The following LRMDA variants were observed in gnomAD, a reference collection of about 807,000 sequenced individuals.
LRMDA encodes the protein leucine-rich melanocyte differentiation-associated protein.
Under a neutral mutation model 29.8 loss-of-function variants are expected in LRMDA, and 18 were observed. The observed-to-expected ratio is 0.60, with a 90% confidence interval of 0.42 to 0.90. The LOEUF (loss-of-function observed/expected upper bound fraction) is 0.90. Ranked by LOEUF, LRMDA falls within the 40% of genes least tolerant of loss-of-function variation. The pLI is 0.00. For missense variants in LRMDA, 273 were observed against 273.9 expected (o/e 1.00, Z 0.02); for synonymous variants, 125 against 109.4 (o/e 1.14, Z -0.89).
chr10:76,205,485 A>G (rs887389395), intron 5 of LRMDA, among the ~76,000 whole-genome samples: 11 of 152,338 alleles, frequency 7.2e-5, no homozygotes, highest in African/African-American at 2.4e-4. Context: ...AGAGTTGCTC[A>G]GTGAGAATGT....
At chr10:75,756,826 C>T (rs555145038) in intron 2 of LRMDA, among the ~76,000 whole-genome samples, 1 of 152,196 alleles carries the variant, frequency 6.6e-6, no homozygotes, top group Non-Finnish European at 1.5e-5. Context: ...AACTTTGGTT[C>T]AAATGATTCT....
At chr10:76,211,684 G>C (rs1050647315) in intron 5 of LRMDA, among the ~76,000 whole-genome samples, 1 of 152,250 alleles carries the variant, frequency 6.6e-6, no homozygotes, top group Non-Finnish European at 1.5e-5. Flanking sequence ...GTTGTTGGGA[G>C]TGTCTTTTTA....
intron 6 of LRMDA, among the ~76,000 whole-genome samples, chr10:76,533,060 A>G (rs561687921): frequency 7.2e-5 from 11 of 152,332 alleles, no homozygotes; most frequent in African/African-American, 2.6e-4. Context: ...TTCAAAGAAG[A>G]TGCAGCCTTT....
intron 5 of LRMDA, among the ~76,000 whole-genome samples, chr10:76,100,480 T>C (rs1488114921): frequency 6.6e-6 from 1 of 152,194 alleles, no homozygotes; most frequent in Admixed American, 6.5e-5. Flanking sequence ...TCTCCCAGTG[T>C]GCAGGCAGGT....
At chr10:76,442,819 C>T (rs777507445) in intron 6 of LRMDA, among the ~76,000 whole-genome samples, 4 of 152,160 alleles carry the variant, frequency 2.6e-5, no homozygotes, top group East Asian at 1.9e-4. Context: ...ACAAGTCTTA[C>T]GTAATGAATA....
At chr10:76,101,034 G>T (rs1449742608) in intron 5 of LRMDA, among the ~76,000 whole-genome samples, 1 of 151,932 alleles carries the variant, frequency 6.6e-6, no homozygotes, top group African/African-American at 2.4e-5. Context: ...CCTCCCACTG[G>T]TTCAGTTCCC....
At chr10:76,106,200 T>A in intron 5 of LRMDA, among the ~76,000 whole-genome samples, 1 of 152,256 alleles carries the variant, frequency 6.6e-6, no homozygotes, top group East Asian at 1.9e-4. Context: ...ATTCTTCTGC[T>A]TTTAATAGCT....
intron 6 of LRMDA, among the ~76,000 whole-genome samples, chr10:76,437,886 T>G (rs1015284358): frequency 4.6e-5 from 7 of 152,174 alleles, no homozygotes; most frequent in Admixed American, 3.3e-4. Flanking sequence ...CCTGTTTATT[T>G]TATTTGGTCC....
At chr10:75,909,189 T>C (rs541014752) in intron 2 of LRMDA, among the ~76,000 whole-genome samples, 1 of 152,302 alleles carries the variant, frequency 6.6e-6, no homozygotes, top group South Asian at 2.1e-4. Context: ...CCTAGTATAG[T>C]AAGTGCTGTA....
chr10:76,153,303 C>T (rs937481793), intron 5 of LRMDA, among the ~76,000 whole-genome samples: 7 of 152,114 alleles, frequency 4.6e-5, no homozygotes, highest in African/African-American at 1.7e-4. Context: ...TTCTGATAAA[C>T]AAAATTTTTA....
At chr10:76,083,840 A>AT (rs1849088706) in intron 5 of LRMDA, among the ~76,000 whole-genome samples, 1 of 151,866 alleles carries the variant, frequency 6.6e-6, no homozygotes, top group East Asian at 1.9e-4. Context: ...TCTCAAAAAA[A>AT]AAAAAAAAAA....
chr10:75,950,044 TAG>T (rs1322916942), intron 2 of LRMDA, among the ~76,000 whole-genome samples: 1 of 152,198 alleles, frequency 6.6e-6, no homozygotes, highest in Non-Finnish European at 1.5e-5. Flanking sequence ...GCAGAAAATC[TAG>T]AAGAGTCCTT....
intron 5 of LRMDA, among the ~76,000 whole-genome samples, chr10:76,214,499 C>T (rs543093390): frequency 2.6e-5 from 4 of 151,258 alleles, no homozygotes; most frequent in African/African-American, 9.7e-5. Context: ...CGCCCACCAC[C>T]GCGCCCGGCT....
At chr10:76,324,945 G>A (rs988961739) in intron 6 of LRMDA, among the ~76,000 whole-genome samples, 2 of 152,172 alleles carry the variant, frequency 1.3e-5, no homozygotes, top group African/African-American at 2.4e-5. Context: ...GCCATGTGCA[G>A]TTTTTGCTGA....
intron 2 of LRMDA, among the ~76,000 whole-genome samples, chr10:76,012,196 G>A (rs1847795052): frequency 1.3e-5 from 2 of 152,184 alleles, no homozygotes; most frequent in Non-Finnish European, 2.9e-5. Context: ...TCAAGCCCTT[G>A]GTCTGCACTG....
chr10:76,126,119 A>G (rs1206517189), intron 5 of LRMDA, among the ~76,000 whole-genome samples: 1 of 152,200 alleles, frequency 6.6e-6, no homozygotes, highest in Non-Finnish European at 1.5e-5. Flanking sequence ...CCTGACTAAC[A>G]CATTCCCGGA....
chr10:76,311,976 C>A lies in LRMDA; in HGVS notation c.517-12425C>A, dbSNP rs1257075581. 2.0e-5 allele frequency among the ~76,000 whole-genome samples: 3 copies of A among 152,126 alleles called. No individual in the cohort carries two copies. In the East Asian group the frequency reaches 5.8e-4, roughly 29 times the overall value. On this transcript the variant is annotated intron_variant, in intron 5 of 6. Coordinates refer to ENST00000611255, the MANE Select transcript of LRMDA (RefSeq NM_001305581.2). The stretch of plus-strand genomic sequence containing the variant: ...GATGTCCCTCATGGTGGTGCAGTAA[C>A]CCTCTCTGACCCCTATCCCTAGTTC...
chr10:76,051,785 GC>G (rs1204497796), intron 4 of LRMDA, among the ~76,000 whole-genome samples: 1 of 152,148 alleles, frequency 6.6e-6, no homozygotes, highest in African/African-American at 2.4e-5. Flanking sequence ...AGATCACAGG[GC>G]AAGATACACT....
At chr10:76,275,338 G>T (rs189858899) in intron 5 of LRMDA, among the ~76,000 whole-genome samples, 1 of 151,474 alleles carries the variant, frequency 6.6e-6, no homozygotes, top group Non-Finnish European at 1.5e-5. Context: ...TTATTTGATT[G>T]TTCTTCATTC....
Sources: allele counts gnomAD v4.1 joint callset (sites outside exome capture counted in the v4.1 genomes callset), GRCh38; gene constraint gnomAD v4.1.1; transcripts MANE v1.5; gene names NCBI Gene and HGNC (gene_info 2026-07-23, HGNC 2026-07-21).